The following CADM2 variants were observed in gnomAD, a reference collection of about 807,000 sequenced individuals.
CADM2 encodes cell adhesion molecule 2.
CADM2 carries 12 observed loss-of-function variants against 49.8 expected under a neutral mutation model. The observed-to-expected ratio is 0.24, with a 90% CI of 0.15 to 0.39. The LOEUF (loss-of-function observed/expected upper bound fraction) is 0.39, where lower values mean the gene tolerates loss of function less well. CADM2 is among the 10% of genes least tolerant of loss of function. CADM2 has a pLI of 1.00. For missense variants in CADM2, 378 were observed against 492.3 expected (o/e 0.77, Z 2.20); for synonymous variants, 214 against 175.4 (o/e 1.22, Z -1.74).
chr3:85,280,700 T>C (rs2043478827), intron 1 of CADM2, among the ~76,000 whole-genome samples: 1 of 151,838 alleles, frequency 6.6e-6, no homozygotes, highest in Non-Finnish European at 1.5e-5. Context: ...TTTACTAAAA[T>C]TGAACAGTAA....
intron 1 of CADM2, among the ~76,000 whole-genome samples, chr3:85,117,245 T>C (rs2107582338): frequency 1.1e-5 from 1 of 91,780 alleles, no homozygotes; most frequent in Middle Eastern, 6.2e-3. Context: ...AAGAGAAAAT[T>C]TTATGATTTT....
intron 1 of CADM2, among the ~76,000 whole-genome samples, chr3:85,172,363 G>C (rs1022133986): frequency 3.3e-5 from 5 of 152,028 alleles, no homozygotes; most frequent in Non-Finnish European, 7.4e-5. Flanking sequence ...AAGCAATTCG[G>C]GGACACAAAA....
intron 1 of CADM2, among the ~76,000 whole-genome samples, chr3:85,416,323 A>C (rs974575317): frequency 6.6e-6 from 1 of 152,174 alleles, no homozygotes; most frequent in South Asian, 2.1e-4. Flanking sequence ...CACAAAGATA[A>C]TCAAAGACAA....
At chr3:85,897,577 A>G (rs1040686371) in intron 5 of CADM2, among the ~76,000 whole-genome samples, 17 of 151,756 alleles carry the variant, frequency 1.1e-4, no homozygotes, top group African/African-American at 4.1e-4. Context: ...CCTAACCTAC[A>G]TCTTAGTAAT....
At chr3:85,425,168 C>T (rs2036345147) in intron 1 of CADM2, among the ~76,000 whole-genome samples, 1 of 152,142 alleles carries the variant, frequency 6.6e-6, no homozygotes, top group African/African-American at 2.4e-5. Context: ...GTTTCCCCAT[C>T]TTCTCCATCA....
At chr3:85,095,171 C>T (rs142648848) in intron 1 of CADM2, among the ~76,000 whole-genome samples, 21 of 152,282 alleles carry the variant, frequency 1.4e-4, no homozygotes, top group African/African-American at 4.8e-4. Context: ...AATGGAAAGA[C>T]TGGAGAGATG....
chr3:85,996,600 G>A (rs1395655646), intron 8 of CADM2, among the ~76,000 whole-genome samples: 1 of 151,918 alleles, frequency 6.6e-6, no homozygotes, highest in Admixed American at 6.6e-5. Context: ...CTATAAATGT[G>A]CAGAGGTGTT....
chr3:85,473,579 G>A (rs1264562708), intron 1 of CADM2, among the ~76,000 whole-genome samples: 2 of 152,048 alleles, frequency 1.3e-5, no homozygotes, highest in African/African-American at 4.8e-5. Context: ...ATGACATTCA[G>A]GTCATCAGGT....
chr3:85,226,461 G>T (rs981104314), intron 1 of CADM2, among the ~76,000 whole-genome samples: 7 of 151,796 alleles, frequency 4.6e-5, no homozygotes, highest in Non-Finnish European at 1.0e-4. Context: ...GTGGGACTGG[G>T]GGTGATATCA....
chr3:85,851,355 T>G (rs1397798984), intron 3 of CADM2, among the ~76,000 whole-genome samples: 1 of 152,044 alleles, frequency 6.6e-6, no homozygotes, highest in Non-Finnish European at 1.5e-5. Flanking sequence ...CTCACAGTTG[T>G]TCTACTATTT....
intron 8 of CADM2, chr3:86,013,614 T>G: frequency 6.3e-7 from 1 of 1,599,494 alleles, no homozygotes; most frequent in Non-Finnish European, 8.5e-7. Flanking sequence ...AGAATCACAC[T>G]TCTTTTCCAT....
intron 1 of CADM2, among the ~76,000 whole-genome samples, chr3:85,094,560 G>A (rs938316164): frequency 6.6e-6 from 1 of 152,086 alleles, no homozygotes; most frequent in Non-Finnish European, 1.5e-5. Context: ...TTTTCTTCCT[G>A]ATTATGAGTT....
chr3:85,268,921 A>C (rs1290619575), intron 1 of CADM2, among the ~76,000 whole-genome samples: 2 of 151,548 alleles, frequency 1.3e-5, no homozygotes, highest in South Asian at 4.1e-4. Context: ...TTATAAATAC[A>C]TTATTATTAC....
intron 1 of CADM2, among the ~76,000 whole-genome samples, chr3:85,157,139 G>A (rs1475329118): frequency 3.3e-5 from 5 of 152,172 alleles, no homozygotes; most frequent in African/African-American, 1.2e-4. Flanking sequence ...CAAGGTATGT[G>A]AAGGACCTCT....
chr3:85,568,835 T>C (rs1463459021), intron 1 of CADM2, among the ~76,000 whole-genome samples: 1 of 151,980 alleles, frequency 6.6e-6, no homozygotes, highest in Non-Finnish European at 1.5e-5. Context: ...TTCAAACTCC[T>C]GACTTCAGGT....
At chr3:85,621,052 A>G (rs2063960944) in intron 1 of CADM2, among the ~76,000 whole-genome samples, 1 of 152,106 alleles carries the variant, frequency 6.6e-6, no homozygotes, top group South Asian at 2.1e-4. Flanking sequence ...TTTTAAGGTA[A>G]TATTCTTCAA....
At chr3:86,014,996 G>C (rs1732031116) in intron 8 of CADM2, 1 of 1,108,754 alleles carries the variant, frequency 9.0e-7, no homozygotes, top group Admixed American at 1.8e-5. Context: ...CGAGTAACTT[G>C]GCTTTGCTTA....
At chr3:85,337,603 C>T (rs1399663900) in intron 1 of CADM2, among the ~76,000 whole-genome samples, 1 of 151,304 alleles carries the variant, frequency 6.6e-6, no homozygotes, top group East Asian at 1.9e-4. Context: ...AGCAAGTAAA[C>T]TGAATCAAGC....
chr3:85,364,796 C>T (rs1472795887), intron 1 of CADM2, among the ~76,000 whole-genome samples: 1 of 152,010 alleles, frequency 6.6e-6, no homozygotes, highest in Non-Finnish European at 1.5e-5. Context: ...GCAATAACTT[C>T]GGTCAGGAAA....
Sources: allele counts gnomAD v4.1 joint callset (sites outside exome capture counted in the v4.1 genomes callset), GRCh38; gene constraint gnomAD v4.1.1; transcripts MANE v1.5; gene names NCBI Gene and HGNC (gene_info 2026-07-23, HGNC 2026-07-21).